The following SCAF8 variants were observed in gnomAD, a reference collection of about 807,000 sequenced individuals.
The protein encoded by SCAF8 is SR-related CTD associated factor 8, also known as SR-related and CTD-associated factor 8.
In SCAF8, 23 loss-of-function variants were observed where a neutral mutation model predicts 140.5. The observed-to-expected ratio is 0.16, with a 90% confidence interval of 0.12 to 0.23. SCAF8 has a LOEUF of 0.23. SCAF8 is among the 10% of genes least tolerant of loss of function. The pLI, the probability that SCAF8 is intolerant of heterozygous loss-of-function variation, is 1.00. For synonymous variants in SCAF8, 575 were observed against 528.9 expected (o/e 1.09, Z -1.20); for missense variants, 1,397 against 1,555.7 (o/e 0.90, Z 1.72).
At chr6:154,830,264 A>G (rs1378749139) in intron 18 of SCAF8, among the ~76,000 whole-genome samples, 1 of 152,202 alleles carries the variant, frequency 6.6e-6, no homozygotes, top group South Asian at 2.1e-4. Context: ...TGAAGATAAA[A>G]CATTTCCTAA....
At chr6:154,776,758 T>A (rs773132477) in intron 2 of SCAF8, among the ~76,000 whole-genome samples, 1 of 152,216 alleles carries the variant, frequency 6.6e-6, no homozygotes, top group Admixed American at 6.5e-5. Flanking sequence ...ATTTGGTGAA[T>A]ATGAGTTCAT....
At chr6:154,769,603 A>G (rs1028392263) in intron 1 of SCAF8, among the ~76,000 whole-genome samples, 1 of 152,212 alleles carries the variant, frequency 6.6e-6, no homozygotes, top group Admixed American at 6.5e-5. Flanking sequence ...GAGCTGTTCT[A>G]GTGTGCTCTA....
chr6:154,801,952 T>A lies in SCAF8; in HGVS notation c.607-19T>A. ...AAAACCCAACACCTGTTTTGTAATA[T>A]ATATTTTTTTCTCTCCAGCTTCAAC... On this transcript the variant is annotated intron_variant, in intron 6 of 19. Transcript: ENST00000367178. 1 of 1,543,546 alleles carries A rather than the reference T, an allele frequency of 6.5e-7. No individual in the cohort carries two copies. Among genetic ancestry groups the A allele is most frequent in the Non-Finnish European group, 8.7e-7 (1 of 1,146,148 alleles).
rs1204488040 is a variant in SCAF8 at position 154,796,387 on chromosome 6, C to CTG, written c.606+1249_606+1250insGT. 1.9e-3 allele frequency among the ~76,000 whole-genome samples: 276 copies of CTG among 143,564 alleles called. 5 individuals carry two copies. The highest frequency in any genetic ancestry group is 0.012 in the East Asian group (55 of 4,708). 94.2% of individuals were successfully genotyped at this position (143,564 alleles called of 152,430 possible). ...TCTCTCTCTCTCTCTCTCTCTCTCT[C>CTG]TCTCTGTCTCTCTCTTTTTCTGACC... On this transcript the variant is annotated intron_variant, in intron 6 of 19. Transcript: ENST00000367178.
At chr6:154,809,843 C>T (rs938872755) in intron 11 of SCAF8, among the ~76,000 whole-genome samples, 172 bp from the exon 12 acceptor site, 4 of 152,194 alleles carry the variant, frequency 2.6e-5, no homozygotes, top group East Asian at 3.9e-4. Context: ...AAGCAGCACA[C>T]GGATTTAAGT....
intron 3 of SCAF8, among the ~76,000 whole-genome samples, chr6:154,784,503 T>C (rs1777195084): frequency 6.6e-6 from 1 of 152,176 alleles, no homozygotes; most frequent in South Asian, 2.1e-4. Context: ...ACTCTTCCGT[T>C]TCTGTGGGTT....
At chr6:154,745,706 A>G (rs1013279715) in intron 1 of SCAF8, among the ~76,000 whole-genome samples, 1 of 152,036 alleles carries the variant, frequency 6.6e-6, no homozygotes, top group Non-Finnish European at 1.5e-5. Context: ...CTACTTGTCA[A>G]ATTTTCACCA....
At chr6:154,814,603 G>C (rs1778193631) in intron 12 of SCAF8, among the ~76,000 whole-genome samples, 1 of 152,192 alleles carries the variant, frequency 6.6e-6, no homozygotes, top group Admixed American at 6.5e-5. Context: ...TAGCCATAGA[G>C]TAAAACCTGC....
At chr6:154,822,446 GT>G in intron 16 of SCAF8, 37 bp downstream of exon 16, 1 of 1,555,556 alleles carries the variant, frequency 6.4e-7, no homozygotes, top group Non-Finnish European at 8.7e-7. Context: ...TTCTTGTGTT[GT>G]TTTACATTTC....
chr6:154,771,854 A>G (rs1340529225), intron 1 of SCAF8, among the ~76,000 whole-genome samples: 1 of 152,202 alleles, frequency 6.6e-6, no homozygotes. Context: ...ACAAACCTGC[A>G]CATGTACCCC....
rs756635979 is a variant in SCAF8 at position 154,833,125 on chromosome 6, A to T, written c.3546A>T (p.Arg1182Ser). 1.9e-6 allele frequency: 3 copies of T among 1,614,140 alleles called. No homozygotes were observed. The highest frequency in any genetic ancestry group is 1.3e-5 in the African/African-American group (1 of 75,036). ...ATGGAAATCGTCTTGGACGAGACAG[A>T]ATTCAAAACACTTGGGTTCCCCCTC... ...EMNGNRLGRDRIQNTWVPPPH... is the reference protein window; with the variant it reads ...EMNGNRLGRDSIQNTWVPPPH... Residue 1182 changes from arginine (R) to serine (S), a missense_variant, in exon 20 of 20, where the codon AGA becomes AGT. By Grantham distance (110) the Arg-to-Ser change is moderately radical. Coordinates refer to ENST00000367178, the MANE Select transcript of SCAF8 (RefSeq NM_014892.5).
At chr6:154,806,106 G>A (rs1279965097) in intron 9 of SCAF8, among the ~76,000 whole-genome samples, 2 of 152,118 alleles carry the variant, frequency 1.3e-5, no homozygotes, top group Non-Finnish European at 2.9e-5. Flanking sequence ...GACTCAAGAT[G>A]TGCGGTTATT....
chr6:154,810,599 T>C (rs1018185958), intron 12 of SCAF8, among the ~76,000 whole-genome samples: 2 of 152,220 alleles, frequency 1.3e-5, no homozygotes, highest in Non-Finnish European at 2.9e-5. Context: ...ATCTAATTTT[T>C]AAAGTAATTA....
intron 1 of SCAF8, among the ~76,000 whole-genome samples, chr6:154,752,832 C>T (rs1778871376): frequency 6.6e-6 from 1 of 152,178 alleles, no homozygotes; most frequent in South Asian, 2.1e-4. Flanking sequence ...AGTGATTCTC[C>T]TGCCTCAGCC....
rs1776751904 is a variant in SCAF8, at chr6:154,771,066, T to A, written c.31-2923T>A. Among the ~76,000 whole-genome samples the A allele has an allele frequency of 2.0e-5, 3 of 152,202 alleles. No individual in the cohort carries two copies. In the South Asian group the frequency reaches 6.2e-4, roughly 32 times the overall value. On this transcript the variant is annotated intron_variant, in intron 1 of 19. Coordinates refer to ENST00000367178, the MANE Select transcript of SCAF8 (RefSeq NM_014892.5). ...GACCTTGGTTAAACTCTTACTAAGT[T>A]AAATTTCATTAAAGGAACTTGCGTC...
At chr6:154,822,698 A>C (rs1396077507) in intron 16 of SCAF8, among the ~76,000 whole-genome samples, 1 of 152,200 alleles carries the variant, frequency 6.6e-6, no homozygotes, top group African/African-American at 2.4e-5. Context: ...AGTCAAATTG[A>C]TAGAACAGTA....
intron 4 of SCAF8, among the ~76,000 whole-genome samples, 184 bp downstream of exon 4, chr6:154,788,206 A>G (rs1777309557): frequency 6.6e-6 from 1 of 152,082 alleles, no homozygotes; most frequent in Admixed American, 6.6e-5. Flanking sequence ...ACCATTTCTC[A>G]TTTATGTACA....
intron 3 of SCAF8, among the ~76,000 whole-genome samples, chr6:154,783,958 T>C (rs550983386): frequency 6.6e-6 from 1 of 151,924 alleles, no homozygotes; most frequent in Admixed American, 6.6e-5. Context: ...TCCCAGCTAC[T>C]CAGGAGGCTG....
Position 154,805,393 on chromosome 6 carries a change from C to G in SCAF8, c.888C>G (p.Asn296Lys). The change falls in exon 9 of 20, where the codon AAC becomes AAG. Residue 296 changes from asparagine (N) to lysine (K), a missense_variant. Asn to Lys is a moderately conservative substitution (Grantham distance 94). Coordinates refer to ENST00000367178, the MANE Select transcript of SCAF8 (RefSeq NM_014892.5). ...GTTCTCACGTTTCAGAATCTGTGAA[C>G]AATTCCATTTTTCATCAGATAGCAG... is the stretch of plus-strand genomic sequence containing the variant. The part of the protein sequence containing the change: ...SQLSHVSESV[N>K]NSIFHQIAEQ... The G allele has an allele frequency of 6.2e-7, 1 of 1,609,056 alleles. No homozygotes were observed. Among genetic ancestry groups the G allele is most frequent in the South Asian group, 1.1e-5 (1 of 90,744 alleles).
Sources: allele counts gnomAD v4.1 joint callset (sites outside exome capture counted in the v4.1 genomes callset), GRCh38; gene constraint gnomAD v4.1.1; transcripts MANE v1.5; gene names NCBI Gene and HGNC (gene_info 2026-07-23, HGNC 2026-07-21).